RANBP2: variants seen among roughly 807,000 people sequenced by gnomAD.
RANBP2 encodes the protein E3 SUMO-protein ligase RanBP2.
In RANBP2, 57 loss-of-function variants were observed where a neutral mutation model predicts 303.6. The observed-to-expected ratio is 0.19, with a 90% CI of 0.15 to 0.23. RANBP2 has a LOEUF of 0.23. Among genes scored for constraint, RANBP2 ranks in the 10% least tolerant of loss-of-function variants. The probability of loss-of-function intolerance (pLI) is 1.00; values close to 1 mark genes in which losing one functional copy is unlikely to be tolerated. For missense variants in RANBP2, 3,138 were observed against 3,780.8 expected (o/e 0.83, Z 4.46); for synonymous variants, 1,167 against 1,301.5 (o/e 0.90, Z 2.23).
the RANBP2 span, among the ~76,000 whole-genome samples, chr2:108,866,640 T>A: frequency 2.0e-5 from 3 of 152,272 alleles, no homozygotes; most frequent in East Asian, 5.8e-4. Context: ...ATCCCAGCAC[T>A]TTGGGAGGCT....
chr2:108,967,850 G>A, the RANBP2 span, among the ~76,000 whole-genome samples: 1 of 152,128 alleles, frequency 6.6e-6, no homozygotes, highest in East Asian at 1.9e-4. Flanking sequence ...AGGTAACAAT[G>A]TTATTGAGAG....
chr2:109,176,768 G>A, the RANBP2 span, among the ~76,000 whole-genome samples: 1 of 152,166 alleles, frequency 6.6e-6, no homozygotes, highest in Non-Finnish European at 1.5e-5. Context: ...ATGGAAACAG[G>A]AATGGAGGCT....
At chr2:108,735,923 G>A (rs930261384) in intron 5 of RANBP2, among the ~76,000 whole-genome samples, 161 bp downstream of exon 5, 4 of 152,130 alleles carry the variant, frequency 2.6e-5, no homozygotes, top group Non-Finnish European at 5.9e-5. Flanking sequence ...TTTATAATGG[G>A]AAGATTGGGG....
At chr2:109,545,027 C>A in the RANBP2 span, 1 of 985,304 alleles carries the variant, frequency 1.0e-6, no homozygotes. Flanking sequence ...AAATTGAAAG[C>A]CACCAATGGG....
the RANBP2 span, among the ~76,000 whole-genome samples, chr2:109,475,740 A>G: frequency 6.6e-6 from 1 of 152,130 alleles, no homozygotes; most frequent in Non-Finnish European, 1.5e-5. Context: ...AATATCTCCA[A>G]ATGTTGCCAA....
At chr2:109,445,258 A>G in the RANBP2 span, among the ~76,000 whole-genome samples, 1 of 152,230 alleles carries the variant, frequency 6.6e-6, no homozygotes, top group African/African-American at 2.4e-5. Context: ...TGGGACAGAG[A>G]GAAGATTCAA....
the RANBP2 span, among the ~76,000 whole-genome samples, chr2:109,679,289 T>C: frequency 6.6e-6 from 1 of 152,212 alleles, no homozygotes; most frequent in African/African-American, 2.4e-5. Flanking sequence ...AACTCACATT[T>C]TTCACAGCTT....
the RANBP2 span, among the ~76,000 whole-genome samples, chr2:109,688,584 G>A: frequency 6.6e-6 from 1 of 151,846 alleles, no homozygotes; most frequent in African/African-American, 2.4e-5. Context: ...AGACCATCCT[G>A]GCCAACCAAC....
the RANBP2 span, among the ~76,000 whole-genome samples, chr2:109,205,294 C>T: frequency 6.7e-6 from 1 of 149,702 alleles, no homozygotes; most frequent in African/African-American, 2.5e-5. Flanking sequence ...TGAGTCTTGC[C>T]ATGTCGTCCA....
the RANBP2 span, among the ~76,000 whole-genome samples, chr2:109,084,640 G>A: frequency 0.2 from 30,864 of 152,110 alleles, 3,924 homozygotes; most frequent in Middle Eastern, 0.3. Context: ...AGACTGCCAG[G>A]TTGTGCCAGC....
At chr2:109,669,861 C>A in the RANBP2 span, among the ~76,000 whole-genome samples, 1 of 151,784 alleles carries the variant, frequency 6.6e-6, no homozygotes, top group Non-Finnish European at 1.5e-5. Context: ...CCTAACCAGT[C>A]GCCCCACCCC....
At chr2:108,939,535 G>T in the RANBP2 span, among the ~76,000 whole-genome samples, 1 of 152,144 alleles carries the variant, frequency 6.6e-6, no homozygotes, top group East Asian at 1.9e-4. Flanking sequence ...CTAAGAGTTA[G>T]CCAGGAATCA....
intron 1 of RANBP2, among the ~76,000 whole-genome samples, chr2:108,720,845 T>A (rs1197409938): frequency 3.9e-5 from 6 of 152,272 alleles, no homozygotes; most frequent in African/African-American, 1.2e-4. Context: ...CAGGAGTTCG[T>A]GACCAGCCTG....
the RANBP2 span, among the ~76,000 whole-genome samples, chr2:109,538,173 C>T: frequency 7.9e-5 from 12 of 152,172 alleles, no homozygotes; most frequent in East Asian, 1.9e-4. Context: ...GCCCCTTCCT[C>T]CACCCTCCAA....
the RANBP2 span, among the ~76,000 whole-genome samples, chr2:109,456,242 C>T: frequency 1.3e-5 from 2 of 152,178 alleles, no homozygotes; most frequent in Non-Finnish European, 2.9e-5. Context: ...CAGAAGGGGT[C>T]GCAGAGTCAG....
the RANBP2 span, chr2:109,585,315 G>C: frequency 6.3e-7 from 1 of 1,597,514 alleles, no homozygotes. Flanking sequence ...TCCAATTCCA[G>C]TTTCCCCTGA....
At chr2:108,981,217 G>A in the RANBP2 span, among the ~76,000 whole-genome samples, 1 of 152,154 alleles carries the variant, frequency 6.6e-6, no homozygotes, top group Non-Finnish European at 1.5e-5. Context: ...ACCAGCACGG[G>A]AAGGGGCTGG....
At chr2:109,399,515 C>G in the RANBP2 span, among the ~76,000 whole-genome samples, 1 of 151,868 alleles carries the variant, frequency 6.6e-6, no homozygotes, top group Non-Finnish European at 1.5e-5. Context: ...GTGGCTCATG[C>G]CTGTAATCCT....
the RANBP2 span, among the ~76,000 whole-genome samples, chr2:109,160,649 C>T: frequency 2.9e-4 from 44 of 152,314 alleles, no homozygotes; most frequent in Non-Finnish European, 3.1e-4. Flanking sequence ...GGTCCCAGAA[C>T]TCAACAATGG....
Sources: allele counts gnomAD v4.1 joint callset (sites outside exome capture counted in the v4.1 genomes callset), GRCh38; gene constraint gnomAD v4.1.1; transcripts MANE v1.5; gene names NCBI Gene and HGNC (gene_info 2026-07-23, HGNC 2026-07-21).